ECSIT: variants seen among roughly 807,000 people sequenced by gnomAD.
ECSIT encodes evolutionarily conserved signaling intermediate in Toll pathway, mitochondrial.
In ECSIT, 29 loss-of-function variants were observed where a neutral mutation model predicts 36.8. The ratio of observed to expected loss-of-function variants is 0.79; its 90% CI spans 0.59 to 1.08. The LOEUF is 1.08. Ranked by LOEUF, ECSIT falls within the 50% of genes least tolerant of loss-of-function variation. The pLI is 0.00. For synonymous variants in ECSIT, 231 were observed against 234.8 expected, an observed-to-expected ratio of 0.98 and a Z score of 0.15; for missense variants, 542 against 581.0, an observed-to-expected ratio of 0.93 and a Z score of 0.69.
rs577484586 is a variant in ECSIT at position 11,514,214 on chromosome 19, C to T, written c.104G>A (p.Arg35His). Reference sequence around the variant, plus strand: ...GCAGTGGAGGCCCCGAGGGAGCCGGCGAGGGACCTGGGGAGGGAGGAGAAC... The same window carrying T: ...GCAGTGGAGGCCCCGAGGGAGCCGGTGAGGGACCTGGGGAGGGAGGAGAAC... ...LTGTSISQVP[R>H]RLPRGLHCSA... The change falls in exon 3 of 8, where the codon CGC becomes CAC. Residue 35 changes from arginine (R) to histidine (H), a missense_variant. Coordinates refer to ENST00000270517, the MANE Select transcript of ECSIT (RefSeq NM_016581.5). The T allele has an allele frequency of 3.5e-5, 56 of 1,601,974 alleles. No individual in the cohort carries two copies. The highest frequency in any genetic ancestry group is 2.7e-4 in the East Asian group (12 of 44,680).
chr19:11,518,510 GC>G (rs1311460119), intron 2 of ECSIT, among the ~76,000 whole-genome samples: 6 of 152,198 alleles, frequency 3.9e-5, no homozygotes, highest in African/African-American at 1.4e-4. Context: ...GCTCATTTGA[GC>G]CCAGGAGTTT....
Position 11,513,885 on chromosome 19 carries a change from T to G in ECSIT, c.433A>C (p.Asn145His). Residue 145 changes from asparagine to histidine, a missense_variant, in exon 3 of 8, where the codon AAC becomes CAC. By Grantham distance (68) the Asn-to-His change is moderately conservative. Coordinates refer to ENST00000270517, the MANE Select transcript of ECSIT (RefSeq NM_016581.5). ...TGGACGAAGATGCGCTGGATGATGT[T>G]GCGAGGCCGGAAGACCTCCTTGGGG... is the stretch of plus-strand genomic sequence containing the variant. ...IFPKEVFRPR[N>H]IIQRIFVHYP... 6.2e-7 allele frequency: 1 copy of G among 1,614,140 alleles called. No individual in the cohort carries two copies. The highest frequency in any genetic ancestry group is 1.1e-5 in the South Asian group (1 of 91,076).
chr19:11,523,147 G>T (rs1487860652), intron 1 of ECSIT, among the ~76,000 whole-genome samples: 3 of 152,090 alleles, frequency 2.0e-5, no homozygotes, highest in Non-Finnish European at 4.4e-5. Flanking sequence ...TAAGACAGCA[G>T]GACCAACCCC....
chr19:11,524,282 G>A (rs1192232943), intron 1 of ECSIT, among the ~76,000 whole-genome samples: 1 of 151,932 alleles, frequency 6.6e-6, no homozygotes, highest in African/African-American at 2.4e-5. Flanking sequence ...CCAGCACTTT[G>A]GGAGGCCGAG....
At chr19:11,517,095 G>A (rs1972014010) in intron 2 of ECSIT, among the ~76,000 whole-genome samples, 1 of 152,058 alleles carries the variant, frequency 6.6e-6, no homozygotes, top group African/African-American at 2.4e-5. Context: ...TGAGGCCCTA[G>A]GTGGGGGGTA....
chr19:11,512,124 C>T (rs1024560128), intron 4 of ECSIT, among the ~76,000 whole-genome samples: 1 of 150,260 alleles, frequency 6.7e-6, no homozygotes, highest in African/African-American at 2.4e-5. Context: ...GTGGGTGGAT[C>T]GCTTGAGCTC....
chr19:11,523,782 A>C (rs1440993686), intron 1 of ECSIT: 1 of 666,644 alleles, frequency 1.5e-6, no homozygotes, highest in African/African-American at 1.8e-5. Context: ...TATGGCAAGG[A>C]GTCTCAGGCC....
intron 2 of ECSIT, among the ~76,000 whole-genome samples, chr19:11,517,973 C>T (rs1290251827): frequency 6.6e-6 from 1 of 151,954 alleles, no homozygotes; most frequent in East Asian, 1.9e-4. Context: ...AAAGTCAATC[C>T]CCTCACCCAC....
intron 4 of ECSIT, among the ~76,000 whole-genome samples, chr19:11,509,555 G>A (rs1269156294): frequency 6.6e-6 from 1 of 151,134 alleles, no homozygotes; most frequent in Non-Finnish European, 1.5e-5. Context: ...ATCACTTGAG[G>A]CCAGGAGTTC....
chr19:11,508,713 C>T (rs1325359542), intron 4 of ECSIT, among the ~76,000 whole-genome samples: 9 of 152,022 alleles, frequency 5.9e-5, no homozygotes, highest in Middle Eastern at 6.8e-3. Context: ...CCACCATGCC[C>T]GGCTAATTTT....
chr19:11,514,306 C>T (rs1971942851), intron 2 of ECSIT, 85 bp from the exon 3 acceptor site: 1 of 1,322,282 alleles, frequency 7.6e-7, no homozygotes, highest in South Asian at 1.5e-5. Context: ...TCAGAGAGGT[C>T]CCAGTGGCCT....
At chr19:11,513,361 G>C (rs8113534) in intron 3 of ECSIT, 82 bp from the exon 4 acceptor site, 147,799 of 1,134,898 alleles carry the variant, frequency 0.13, 21,162 homozygotes, top group African/African-American at 0.67. Context: ...ACAGTGAAGT[G>C]AGGGAATTGA....
chr19:11,514,531 G>GT (rs1285649232), intron 2 of ECSIT, among the ~76,000 whole-genome samples: 139 of 146,750 alleles, frequency 9.5e-4, no homozygotes, highest in African/African-American at 3.1e-3. Flanking sequence ...TTTTTTTTTG[G>GT]TTTTTTTTTG....
rs1289738271 is a variant in ECSIT at position 11,514,557 on chromosome 19, C to G, written c.97-336G>C. Among the ~76,000 whole-genome samples, 3 of 149,938 alleles carry G rather than the reference C, an allele frequency of 2.0e-5. No homozygotes were observed. The East Asian group carries it at 5.9e-4, about 29-fold the overall frequency. On this transcript the variant is annotated intron_variant, in intron 2 of 7. Coordinates refer to ENST00000270517, the MANE Select transcript of ECSIT (RefSeq NM_016581.5). ...TTTTTTTTTGAGACGGGGTCTGGCT[C>G]TGTGGCCTAGGCTGGAATGTAGTGG...
chr19:11,526,997 G>A (rs919208812), intron 1 of ECSIT, among the ~76,000 whole-genome samples: 2 of 151,516 alleles, frequency 1.3e-5, no homozygotes, highest in Non-Finnish European at 2.9e-5. Flanking sequence ...TAGGATTACA[G>A]GTGTGAGCCA....
At position 11,513,936 on chromosome 19, in the gene ECSIT, C is replaced by A. The variant is rs1419639158; in HGVS notation, c.382G>T (p.Val128Leu). Residue 128 changes from valine to leucine, a missense_variant, in exon 3 of 8, where the codon GTG (valine) becomes TTG (leucine). Coordinates refer to ENST00000270517, the MANE Select transcript of ECSIT (RefSeq NM_016581.5). ...REYGVERDLA[V>L]YNQLLNIFPK... ...AAGATGTTGAGCAGCTGGTTGTACA[C>A]AGCCAGGTCCCGCTCGACACCATAC... is the stretch of plus-strand genomic sequence containing the variant. The A allele has an allele frequency of 6.2e-7, 1 of 1,614,116 alleles. No homozygotes were observed. The highest frequency in any genetic ancestry group is 1.3e-5 in the African/African-American group (1 of 74,946).
rs1972056007 is a variant in ECSIT at position 11,519,261 on chromosome 19, A to G, written c.-23-68T>C. ...ATGCTAACAGACGCAAGGGCCCCGC[A>G]GGGTCGAGGGCACACTCCAGATTAT... is the stretch of plus-strand genomic sequence containing the variant. On this transcript the variant is annotated intron_variant, in intron 1 of 7. Coordinates refer to ENST00000270517, the MANE Select transcript of ECSIT (RefSeq NM_016581.5). This position sits in a 1 kb window ranked among gnomAD's most constrained non-coding sequence, Gnocchi z 4.4. 2.9e-6 allele frequency: 3 copies of G among 1,041,804 alleles called. No homozygotes were observed. The highest frequency in any genetic ancestry group is 1.4e-6 in the Non-Finnish European group (1 of 695,738). The allele number at this position is 1,041,804 out of a possible 1,614,324, so 64.5% of individuals were successfully genotyped here.
chr19:11,513,441 T>C (rs933789397), intron 3 of ECSIT, among the ~76,000 whole-genome samples, 162 bp from the exon 4 acceptor site: 3 of 151,014 alleles, frequency 2.0e-5, no homozygotes, highest in Non-Finnish European at 3.0e-5. Context: ...TCCCAGCACA[T>C]TGGGAGGCCA....
rs577579907 is a variant in ECSIT at position 11,515,781 on chromosome 19, A to C, written c.97-1560T>G. On this transcript the variant is annotated intron_variant, in intron 2 of 7. Coordinates refer to ENST00000270517, the MANE Select transcript of ECSIT (RefSeq NM_016581.5). ...CCCAAGTAGCTGGGATTACAGGCAC[A>C]TGCCACCATGCCCAGTTAACTTTTG... Among the ~76,000 whole-genome samples, 3 of 152,152 alleles carry C rather than the reference A, an allele frequency of 2.0e-5. No individual in the cohort carries two copies. In the South Asian group the frequency reaches 6.2e-4, roughly 32 times the overall value.
Sources: allele counts gnomAD v4.1 joint callset (sites outside exome capture counted in the v4.1 genomes callset), GRCh38; gene constraint gnomAD v4.1.1; non-coding constraint Gnocchi (gnomAD v3.1); transcripts MANE v1.5; gene names NCBI Gene and HGNC (gene_info 2026-07-23, HGNC 2026-07-21).